UVRAG: variants seen among roughly 807,000 people sequenced by gnomAD.
UVRAG encodes UV radiation resistance associated, also known as UV radiation resistance-associated gene protein.
UVRAG carries 19 observed loss-of-function variants against 78.0 expected under a neutral mutation model. The ratio of observed to expected loss-of-function variants is 0.24; its 90% CI spans 0.17 to 0.36. The LOEUF is 0.36. UVRAG is among the 10% of genes least tolerant of loss of function. The pLI, the probability that UVRAG is intolerant of heterozygous loss-of-function variation, is 1.00. For missense variants in UVRAG, 740 were observed against 853.8 expected (o/e 0.87, Z 1.66); for synonymous variants, 323 against 324.6 (o/e 1.00, Z 0.05).
At chr11:75,918,136 A>G (rs1947898654) in intron 6 of UVRAG, among the ~76,000 whole-genome samples, 1 of 150,870 alleles carries the variant, frequency 6.6e-6, no homozygotes, top group Non-Finnish European at 1.5e-5. Context: ...GGAGGCCGAG[A>G]CGGGCAGATC....
chr11:75,854,858 C>T (rs1004136102), intron 2 of UVRAG, among the ~76,000 whole-genome samples: 7 of 152,126 alleles, frequency 4.6e-5, no homozygotes, highest in Non-Finnish European at 4.4e-5. Context: ...GTCTACTGCT[C>T]ACTAATTGGT....
chr11:75,827,661 GA>G (rs1167496103), intron 1 of UVRAG, among the ~76,000 whole-genome samples: 4 of 152,106 alleles, frequency 2.6e-5, no homozygotes, highest in Non-Finnish European at 1.5e-5. Flanking sequence ...TGCAGGATAG[GA>G]AAAACTGAGA....
At chr11:76,126,152 AGGAT>A (rs1339799037) in intron 14 of UVRAG, among the ~76,000 whole-genome samples, 1 of 152,068 alleles carries the variant, frequency 6.6e-6, no homozygotes, top group Non-Finnish European at 1.5e-5. Flanking sequence ...CATGTTAGCC[AGGAT>A]GGTCTCGATC....
At chr11:76,098,970 A>G (rs1951832467) in intron 13 of UVRAG, among the ~76,000 whole-genome samples, 1 of 152,164 alleles carries the variant, frequency 6.6e-6, no homozygotes, top group Non-Finnish European at 1.5e-5. Context: ...CGTTCATCAT[A>G]CATGCTTACC....
chr11:75,987,729 T>G (rs564287861), intron 8 of UVRAG, among the ~76,000 whole-genome samples: 156 of 152,096 alleles, frequency 1.0e-3, no homozygotes, highest in Non-Finnish European at 1.9e-3. Flanking sequence ...TTTTGTCATT[T>G]TTGCATTAAC....
At chr11:75,980,964 G>A (rs1181401890) in intron 7 of UVRAG, among the ~76,000 whole-genome samples, 1 of 151,830 alleles carries the variant, frequency 6.6e-6, no homozygotes, top group African/African-American at 2.4e-5. Flanking sequence ...TACAGACCTG[G>A]CCCTGGCTAG....
intron 3 of UVRAG, among the ~76,000 whole-genome samples, chr11:75,875,547 A>G (rs1310408462): frequency 3.6e-5 from 4 of 112,642 alleles, no homozygotes; most frequent in African/African-American, 1.4e-4. Context: ...TCCTTAATCC[A>G]TTTTCTCTCT....
At chr11:75,957,822 A>T (rs553554907) in intron 6 of UVRAG, among the ~76,000 whole-genome samples, 1 of 152,150 alleles carries the variant, frequency 6.6e-6, no homozygotes, top group South Asian at 2.1e-4. Context: ...TCATAACTCA[A>T]TTGTTTGGGG....
At chr11:75,922,669 C>T (rs115158636) in intron 6 of UVRAG, among the ~76,000 whole-genome samples, 2,413 of 152,038 alleles carry the variant, frequency 0.016, 77 homozygotes, top group African/African-American at 0.053. Context: ...AACTATTGGC[C>T]GGGCGTGGTG....
At chr11:76,078,388 AC>A (rs1257364442) in intron 13 of UVRAG, among the ~76,000 whole-genome samples, 4 of 152,124 alleles carry the variant, frequency 2.6e-5, no homozygotes, top group Admixed American at 2.6e-4. Flanking sequence ...CTGTGGATAG[AC>A]CCATATCATA....
At chr11:75,891,716 T>C (rs1004195814) in intron 5 of UVRAG, among the ~76,000 whole-genome samples, 4 of 152,138 alleles carry the variant, frequency 2.6e-5, no homozygotes, top group African/African-American at 9.7e-5. Context: ...TCGAGACCAG[T>C]CTGGGCAACG....
intron 8 of UVRAG, among the ~76,000 whole-genome samples, chr11:75,984,186 T>C (rs910397869): frequency 2.0e-5 from 3 of 152,228 alleles, no homozygotes; most frequent in Admixed American, 1.3e-4. Flanking sequence ...TTTCTTGCTA[T>C]GCTAGGCAGT....
At chr11:76,062,119 C>T (rs1951105556) in intron 12 of UVRAG, among the ~76,000 whole-genome samples, 1 of 152,146 alleles carries the variant, frequency 6.6e-6, no homozygotes, top group South Asian at 2.1e-4. Flanking sequence ...GGCTGCATAA[C>T]TAAGCTCTGC....
chr11:76,041,385 A>G (rs1950646630), intron 12 of UVRAG, among the ~76,000 whole-genome samples: 1 of 152,208 alleles, frequency 6.6e-6, no homozygotes, highest in Non-Finnish European at 1.5e-5. Context: ...GTGGAACCCC[A>G]GAGGAGAGCA....
At position 75,818,901 on chromosome 11, in the gene UVRAG, G is replaced by A. The variant is rs866663486; in HGVS notation, c.117+3377G>A. On this transcript the variant is annotated intron_variant, in intron 1 of 14. Transcript: ENST00000356136. ...CTAAGATGGGGTTTGTCAACCTTGG[G>A]ACTGTTGACATTTTGGAGTGAAGAT... Among the ~76,000 whole-genome samples the A allele has an allele frequency of 3.4e-4, 52 of 152,252 alleles. 1 individual carries two copies. Among genetic ancestry groups the A allele is most frequent in the Middle Eastern group, 3.4e-3 (1 of 294 alleles).
intron 7 of UVRAG, among the ~76,000 whole-genome samples, chr11:75,977,983 G>A (rs939280796): frequency 9.2e-5 from 14 of 152,142 alleles, no homozygotes; most frequent in Non-Finnish European, 1.9e-4. Context: ...TTTACAATTT[G>A]GCATGTTTTT....
intron 4 of UVRAG, among the ~76,000 whole-genome samples, chr11:75,882,589 T>A (rs1204211640): frequency 1.3e-5 from 2 of 152,142 alleles, no homozygotes; most frequent in Non-Finnish European, 2.9e-5. Context: ...ACCATACTTT[T>A]TATTTTTAAA....
chr11:75,985,708 G>A (rs1420732670), intron 8 of UVRAG, among the ~76,000 whole-genome samples: 1 of 152,068 alleles, frequency 6.6e-6, no homozygotes, highest in African/African-American at 2.4e-5. Flanking sequence ...CTTTTTGTAT[G>A]TGATGTAAGG....
chr11:76,009,816 A>C (rs969997399), intron 11 of UVRAG, among the ~76,000 whole-genome samples: 7 of 152,230 alleles, frequency 4.6e-5, no homozygotes, highest in Admixed American at 6.5e-5. Flanking sequence ...AATTTGGAAC[A>C]AGTAATGTAA....
Sources: allele counts gnomAD v4.1 joint callset (sites outside exome capture counted in the v4.1 genomes callset), GRCh38; gene constraint gnomAD v4.1.1; transcripts MANE v1.5; gene names NCBI Gene and HGNC (gene_info 2026-07-23, HGNC 2026-07-21).